Variants in COL25A1 observed in about 807,000 individuals in gnomAD.
The protein encoded by COL25A1 is collagen type XXV alpha 1 chain.
Under a neutral mutation model 128.4 loss-of-function variants are expected in COL25A1, and 103 were observed. The ratio of observed to expected loss-of-function variants is 0.80; its 90% confidence interval spans 0.68 to 0.94. The LOEUF (loss-of-function observed/expected upper bound fraction) is 0.94, where lower values mean the gene tolerates loss of function less well. COL25A1 is among the 40% of genes least tolerant of loss of function. COL25A1 has a pLI of 0.00. For synonymous variants in COL25A1, 279 were observed against 277.2 expected, an observed-to-expected ratio of 1.01 and a Z score of -0.06; for missense variants, 745 against 840.0, an observed-to-expected ratio of 0.89 and a Z score of 1.40.
intron 3 of COL25A1, among the ~76,000 whole-genome samples, chr4:109,198,012 T>C (rs754633251): frequency 2.6e-5 from 4 of 151,902 alleles, no homozygotes; most frequent in Non-Finnish European, 4.4e-5. Context: ...TCTGCTTCTT[T>C]GTAACAGCAA....
chr4:109,118,360 C>T (rs1019272375), intron 3 of COL25A1, among the ~76,000 whole-genome samples: 3 of 122,230 alleles, frequency 2.5e-5, no homozygotes, highest in South Asian at 2.7e-4. Flanking sequence ...TTTAAACATT[C>T]GCACCACAAA....
At chr4:109,060,898 A>T (rs1432102293) in intron 3 of COL25A1, among the ~76,000 whole-genome samples, 4 of 152,082 alleles carry the variant, frequency 2.6e-5, no homozygotes, top group African/African-American at 9.7e-5. Context: ...TTTCAATCCC[A>T]ATGCTGATGC....
chr4:109,181,812 T>A (rs2214613), intron 3 of COL25A1, among the ~76,000 whole-genome samples: 97,758 of 151,718 alleles, frequency 0.64, 31,799 homozygotes, highest in Non-Finnish European at 0.69. Flanking sequence ...TTTTCCTCCC[T>A]TCAGCTGAAA....
At chr4:108,955,030 C>T (rs181076618) in intron 8 of COL25A1, among the ~76,000 whole-genome samples, 6 of 151,524 alleles carry the variant, frequency 4.0e-5, no homozygotes, top group Admixed American at 6.6e-5. Context: ...TCTGGGATAC[C>T]GAGATAAGTG....
chr4:108,871,507 A>G (rs982896857), intron 19 of COL25A1, among the ~76,000 whole-genome samples: 12 of 152,004 alleles, frequency 7.9e-5, no homozygotes, highest in Non-Finnish European at 1.2e-4. Flanking sequence ...TAGTAGAGAC[A>G]GGGTTTCACC....
chr4:109,066,710 T>C lies in COL25A1; in HGVS notation c.368-16531A>G, dbSNP rs150617192. ...TGCTCTGTCTCCAGCACTCCCAGGCTGGAGTGCCATGGCATGATCATAGCT... is the reference window on the plus strand; with the variant it reads ...TGCTCTGTCTCCAGCACTCCCAGGCCGGAGTGCCATGGCATGATCATAGCT... On this transcript the variant is annotated intron_variant, in intron 3 of 37. Coordinates refer to ENST00000399132, the MANE Select transcript of COL25A1 (RefSeq NM_198721.4). Among the ~76,000 whole-genome samples, 237 of 152,288 alleles carry C rather than the reference T, an allele frequency of 1.6e-3. 3 individuals carry two copies. The East Asian group carries it at 0.036, about 23-fold the overall frequency.
intron 19 of COL25A1, among the ~76,000 whole-genome samples, chr4:108,872,558 C>G (rs1738867187): frequency 6.6e-6 from 1 of 152,180 alleles, no homozygotes; most frequent in Admixed American, 6.5e-5. Flanking sequence ...TAACCTTCCC[C>G]TGTCCAATTA....
intron 3 of COL25A1, among the ~76,000 whole-genome samples, chr4:109,252,980 T>C (rs922861708): frequency 6.6e-6 from 1 of 152,200 alleles, no homozygotes; most frequent in African/African-American, 2.4e-5. Flanking sequence ...CAGCAGGAGT[T>C]GGGATCATAA....
At chr4:109,002,681 T>G (rs978710175) in intron 6 of COL25A1, among the ~76,000 whole-genome samples, 2 of 152,220 alleles carry the variant, frequency 1.3e-5, no homozygotes, top group Admixed American at 1.3e-4. Flanking sequence ...AATGTATATG[T>G]ATGTGAAATC....
chr4:109,235,352 T>C (rs750855296), intron 3 of COL25A1, among the ~76,000 whole-genome samples: 11 of 152,084 alleles, frequency 7.2e-5, no homozygotes, highest in Non-Finnish European at 1.5e-4. Context: ...CTCCAATATA[T>C]TCCTGGGGGA....
At chr4:108,889,346 T>C in intron 17 of COL25A1, 90 bp from the exon 18 acceptor site, 1 of 1,206,188 alleles carries the variant, frequency 8.3e-7, no homozygotes, top group Non-Finnish European at 1.2e-6. Flanking sequence ...AGGGATGGCC[T>C]AGCCCCCTTC....
At chr4:108,966,938 AAGAG>A (rs1328075872) in intron 8 of COL25A1, among the ~76,000 whole-genome samples, 1 of 151,774 alleles carries the variant, frequency 6.6e-6, no homozygotes, top group Non-Finnish European at 1.5e-5. Flanking sequence ...GAGAGAAAGA[AAGAG>A]AGGAAAGAAA....
intron 6 of COL25A1, among the ~76,000 whole-genome samples, chr4:108,999,766 C>A (rs974139520): frequency 6.6e-6 from 1 of 152,154 alleles, no homozygotes; most frequent in Non-Finnish European, 1.5e-5. Context: ...CACATATATA[C>A]CATGGAATAC....
intron 3 of COL25A1, among the ~76,000 whole-genome samples, chr4:109,138,850 G>A (rs932508495): frequency 6.6e-6 from 1 of 152,132 alleles, no homozygotes; most frequent in African/African-American, 2.4e-5. Flanking sequence ...TGGGACTACA[G>A]GCACCCACCA....
At chr4:109,242,132 G>A (rs1578526305) in intron 3 of COL25A1, among the ~76,000 whole-genome samples, 2 of 152,066 alleles carry the variant, frequency 1.3e-5, no homozygotes, top group South Asian at 4.1e-4. Context: ...AAAATGGAAT[G>A]CTGCTTGTTT....
intron 6 of COL25A1, among the ~76,000 whole-genome samples, chr4:108,997,668 CA>C (rs948352372): frequency 3.1e-4 from 47 of 152,094 alleles, no homozygotes; most frequent in African/African-American, 1.1e-3. Context: ...AGAGACACAA[CA>C]AAAAAAGAGA....
chr4:108,854,614 C>T (rs1326164176), intron 24 of COL25A1, among the ~76,000 whole-genome samples: 1 of 152,096 alleles, frequency 6.6e-6, no homozygotes, highest in East Asian at 1.9e-4. Context: ...TGAAAAAAAG[C>T]TCATCATCAC....
rs932173181 is a variant in COL25A1, at chr4:108,905,022, T to C, written c.781-3850A>G. ...GGCAACTTGAATGAGTAGTTAAGGA[T>C]AAAAAGAAATGCGGTTTTCTTACAA... On this transcript the variant is annotated intron_variant, in intron 13 of 37. Coordinates refer to ENST00000399132, the MANE Select transcript of COL25A1 (RefSeq NM_198721.4). Among the ~76,000 whole-genome samples the C allele has an allele frequency of 3.9e-5, 6 of 152,248 alleles. No individual in the cohort carries two copies. The South Asian group carries it at 1.2e-3, about 32-fold the overall frequency.
chr4:108,848,874 T>C, intron 26 of COL25A1, 71 bp from the exon 27 acceptor site: 1 of 1,188,198 alleles, frequency 8.4e-7, no homozygotes, highest in Non-Finnish European at 1.2e-6. Flanking sequence ...AAAAAAACGA[T>C]GCTAGTTTGT....
Sources: allele counts gnomAD v4.1 joint callset (sites outside exome capture counted in the v4.1 genomes callset), GRCh38; gene constraint gnomAD v4.1.1; transcripts MANE v1.5; gene names NCBI Gene and HGNC (gene_info 2026-07-23, HGNC 2026-07-21).